Variants in BTBD7 observed in about 807,000 individuals in gnomAD.
BTBD7 encodes BTB domain containing 7, also known as BTB/POZ domain-containing protein 7.
Under a neutral mutation model 99.9 loss-of-function variants are expected in BTBD7, and 38 were observed. That is an observed-to-expected ratio of 0.38 (90% confidence interval 0.29 to 0.50). The LOEUF is 0.50. Among genes scored for constraint, BTBD7 ranks in the 20% least tolerant of loss-of-function variants. BTBD7 has a pLI of 0.93. For missense variants in BTBD7, 1,170 were observed against 1,394.6 expected (o/e 0.84, Z 2.57); for synonymous variants, 520 against 511.4 (o/e 1.02, Z -0.23).
chr14:93,281,015 G>GT (rs2052713307), intron 3 of BTBD7, among the ~76,000 whole-genome samples: 1 of 151,844 alleles, frequency 6.6e-6, no homozygotes, highest in African/African-American at 2.4e-5. Context: ...GTTTTGTTCT[G>GT]TTTTTGAGAC....
intron 1 of BTBD7, among the ~76,000 whole-genome samples, chr14:93,318,182 A>G (rs972690294): frequency 6.6e-5 from 10 of 152,210 alleles, no homozygotes; most frequent in African/African-American, 2.4e-4. Flanking sequence ...GTCTTTCTCT[A>G]CTGTCCTCCC....
At chr14:93,277,854 G>A (rs1365032245) in intron 3 of BTBD7, among the ~76,000 whole-genome samples, 7 of 152,112 alleles carry the variant, frequency 4.6e-5, no homozygotes, top group African/African-American at 1.7e-4. Context: ...CCTATAATGA[G>A]AACAGAAACA....
chr14:93,279,510 C>T (rs1160782988), intron 3 of BTBD7, among the ~76,000 whole-genome samples: 1 of 152,204 alleles, frequency 6.6e-6, no homozygotes, highest in Non-Finnish European at 1.5e-5. Flanking sequence ...GGCACTCACA[C>T]TCTAACTGCC....
At chr14:93,281,344 C>T (rs550071236) in intron 3 of BTBD7, among the ~76,000 whole-genome samples, 1 of 152,206 alleles carries the variant, frequency 6.6e-6, no homozygotes, top group Admixed American at 6.5e-5. Context: ...ACCGTGTTGC[C>T]TAGGCAGGTC....
intron 3 of BTBD7, among the ~76,000 whole-genome samples, chr14:93,286,977 C>T (rs2052785825): frequency 6.8e-6 from 1 of 146,094 alleles, no homozygotes; most frequent in Admixed American, 6.6e-5. Context: ...GTGGCTCATG[C>T]CTGTAATACC....
intron 1 of BTBD7, among the ~76,000 whole-genome samples, chr14:93,332,583 G>A (rs2053455907): frequency 1.3e-5 from 2 of 151,498 alleles, no homozygotes; most frequent in Non-Finnish European, 2.9e-5. Context: ...GGACGGCGGC[G>A]CGCTCCAGCC....
intron 1 of BTBD7, among the ~76,000 whole-genome samples, chr14:93,331,695 AC>A (rs1480719494): frequency 2.6e-5 from 4 of 152,204 alleles, no homozygotes; most frequent in Non-Finnish European, 5.9e-5. Context: ...AGTCTGGCCA[AC>A]ATGGTGAAAC....
chr14:93,295,853 G>A, intron 2 of BTBD7, 117 bp downstream of exon 2: 1 of 927,360 alleles, frequency 1.1e-6, no homozygotes, highest in Non-Finnish European at 1.6e-6. Flanking sequence ...AAACCTAGAT[G>A]CTGCAGAATT....
rs1226587904 is a variant in BTBD7, at chr14:93,333,031, G to A, written c.-318C>T. 1 of 487,572 alleles carries A rather than the reference G, an allele frequency of 2.1e-6. No individual in the cohort carries two copies. Among genetic ancestry groups the A allele is most frequent in the Non-Finnish European group, 3.5e-6 (1 of 282,384 alleles). 30.2% of individuals were successfully genotyped at this position (487,572 alleles called of 1,614,324 possible). On this transcript the variant is annotated 5_prime_UTR_variant, in exon 1 of 11. Transcript: ENST00000334746. ...TCGCCGCCATTTTGACTCCTAGACGGAGCAGGAGGGGCTCGGTTCGGCGTG... is the reference window on the plus strand; with the variant it reads ...TCGCCGCCATTTTGACTCCTAGACGAAGCAGGAGGGGCTCGGTTCGGCGTG...
chr14:93,264,538 G>T lies in BTBD7; in HGVS notation c.1163-545C>A, dbSNP rs143090645. On this transcript the variant is annotated intron_variant, in intron 3 of 10. Coordinates refer to ENST00000334746, the MANE Select transcript of BTBD7 (RefSeq NM_001002860.4). The stretch of plus-strand genomic sequence containing the variant: ...GCTTAATTCTGGCAAACTTGAAAAA[G>T]TAAGTGAAGAGGACCAGGATCCTGG... Among the ~76,000 whole-genome samples the T allele has an allele frequency of 2.1e-3, 320 of 152,236 alleles. 3 individuals carry two copies. Among genetic ancestry groups the T allele is most frequent in the African/African-American group, 7.4e-3 (306 of 41,548 alleles).
chr14:93,294,561 A>G lies in BTBD7; in HGVS notation c.459T>C (p.Phe153=). 1 of 1,613,912 alleles carries G rather than the reference A, an allele frequency of 6.2e-7. No homozygotes were observed. Among genetic ancestry groups the G allele is most frequent in the Non-Finnish European group, 8.5e-7 (1 of 1,179,940 alleles). The change falls in exon 3 of 11, where the codon TTT becomes TTC. Residue 153 remains phenylalanine (F), a synonymous_variant. Coordinates refer to ENST00000334746, the MANE Select transcript of BTBD7 (RefSeq NM_001002860.4). ...DVDLIFQETC[F]PVHRAILAAR... ...CTGCCAAAATGGCACGATGAACAGG[A>G]AAACAAGTTTCTTGAAATATTAAGT...
chr14:93,300,835 C>G (rs2139783072), intron 1 of BTBD7, among the ~76,000 whole-genome samples: 1 of 149,722 alleles, frequency 6.7e-6, no homozygotes, highest in African/African-American at 2.5e-5. Flanking sequence ...AAACTGGTCT[C>G]AAACTCCTGA....
chr14:93,304,205 C>T (rs113019553), intron 1 of BTBD7, among the ~76,000 whole-genome samples: 80 of 152,186 alleles, frequency 5.3e-4, no homozygotes, highest in Non-Finnish European at 9.7e-4. Flanking sequence ...GCACTGAGCC[C>T]GGCACACAAT....
intron 3 of BTBD7, among the ~76,000 whole-genome samples, chr14:93,290,613 G>A (rs1443998295): frequency 6.7e-6 from 1 of 148,924 alleles, no homozygotes; most frequent in Non-Finnish European, 1.5e-5. Flanking sequence ...CCGCTCCTGG[G>A]TTCAAGTAAT....
intron 1 of BTBD7, 28 bp downstream of exon 1, chr14:93,332,792 A>G: frequency 6.8e-7 from 1 of 1,462,946 alleles, no homozygotes. Context: ...TCGGCTCCAC[A>G]GCCTCAGAGA....
At chr14:93,329,056 T>G (rs2053367868) in intron 1 of BTBD7, among the ~76,000 whole-genome samples, 1 of 152,104 alleles carries the variant, frequency 6.6e-6, no homozygotes, top group African/African-American at 2.4e-5. Context: ...AAAAACTGTG[T>G]GTACATCAAA....
At chr14:93,311,500 TA>T (rs989049402) in intron 1 of BTBD7, among the ~76,000 whole-genome samples, 1 of 152,224 alleles carries the variant, frequency 6.6e-6, no homozygotes, top group African/African-American at 2.4e-5. Flanking sequence ...CATATCTACA[TA>T]AACATGTACA....
At chr14:93,248,387 A>G in intron 9 of BTBD7, 89 bp downstream of exon 9, 1 of 1,383,594 alleles carries the variant, frequency 7.2e-7, no homozygotes, top group South Asian at 1.3e-5. Context: ...CGAAAAGGAA[A>G]TAAGCCAAGG....
chr14:93,239,002 G>A lies in BTBD7; in HGVS notation c.*3271C>T, dbSNP rs959717460. 2.0e-5 allele frequency: 3 copies of A among 152,186 alleles called. No homozygotes were observed. The highest frequency in any genetic ancestry group is 2.0e-4 in the Admixed American group (3 of 15,282). 9.4% of individuals were successfully genotyped at this position (152,186 alleles called of 1,614,324 possible). A position where few individuals can be genotyped will look rare whatever the true frequency, so the allele number is the denominator to read the frequency against. On this transcript the variant is annotated 3_prime_UTR_variant, in exon 11 of 11. Coordinates refer to ENST00000334746, the MANE Select transcript of BTBD7 (RefSeq NM_001002860.4). ...TCACTGAAAAGCCTCAAAGCCTAAC[G>A]GGTTATTGCGGTGTCAGGCTAGCTG... is the stretch of plus-strand genomic sequence containing the variant.
Sources: gnomAD v4.1 joint callset for allele counts (sites outside exome capture counted in the v4.1 genomes callset) on GRCh38, gnomAD v4.1.1 for gene constraint, MANE v1.5 for transcripts, NCBI Gene and HGNC (gene_info 2026-07-23, HGNC 2026-07-21) for gene names.